ARB2A: variants seen among roughly 807,000 people sequenced by gnomAD.
ARB2A encodes the protein cotranscriptional regulator ARB2A.
chr5:93,940,587 T>C, the ARB2A span, among the ~76,000 whole-genome samples: 4 of 152,124 alleles, frequency 2.6e-5, no homozygotes, highest in Middle Eastern at 3.6e-3. Flanking sequence ...AACAGTTGAA[T>C]AAAATCAAAC....
At chr5:93,936,165 G>A in the ARB2A span, among the ~76,000 whole-genome samples, 1 of 151,986 alleles carries the variant, frequency 6.6e-6, no homozygotes, top group Non-Finnish European at 1.5e-5. Context: ...ACAATAAGAA[G>A]GCAAGATGAA....
the ARB2A span, among the ~76,000 whole-genome samples, chr5:93,992,429 A>T: frequency 2.0e-5 from 3 of 152,070 alleles, no homozygotes; most frequent in African/African-American, 7.2e-5. Context: ...CCCCCTAGCA[A>T]CCATCAGTAA....
the ARB2A span, among the ~76,000 whole-genome samples, chr5:94,009,406 T>C: frequency 1.3e-5 from 2 of 152,006 alleles, no homozygotes; most frequent in Non-Finnish European, 2.9e-5. Flanking sequence ...TTCCCCAGTA[T>C]AAGAAGTCTG....
the ARB2A span, among the ~76,000 whole-genome samples, chr5:93,918,430 C>CTTTTTTTTTTTTTTTTTTTTTTTTTTT: frequency 9.3e-6 from 1 of 107,354 alleles, no homozygotes; most frequent in African/African-American, 3.4e-5. Flanking sequence ...TTCCAAATTT[C>CTTTTTTTTTTTTTTTTTTTTTTTTTTT]TTTTTTTTTT....
chr5:93,636,632 T>C, the ARB2A span, among the ~76,000 whole-genome samples: 1 of 152,230 alleles, frequency 6.6e-6, no homozygotes, highest in Non-Finnish European at 1.5e-5. Flanking sequence ...CTGTTGTTTA[T>C]AACCCACCTA....
the ARB2A span, among the ~76,000 whole-genome samples, chr5:94,079,533 A>G: frequency 1.3e-5 from 2 of 152,166 alleles, no homozygotes; most frequent in Non-Finnish European, 2.9e-5. Flanking sequence ...AGTTTCTTCT[A>G]TTCTACCATG....
the ARB2A span, chr5:93,741,354 G>C: frequency 1.2e-6 from 2 of 1,611,184 alleles, no homozygotes; most frequent in Non-Finnish European, 8.5e-7. Context: ...CCCGGAATTC[G>C]TGTGGCAGGG....
At chr5:93,931,117 AG>A in the ARB2A span, among the ~76,000 whole-genome samples, 3 of 152,156 alleles carry the variant, frequency 2.0e-5, no homozygotes, top group African/African-American at 7.2e-5. Context: ...TAGTTTGCTG[AG>A]GATGATGGCT....
chr5:93,655,791 G>A, the ARB2A span, among the ~76,000 whole-genome samples: 4 of 152,168 alleles, frequency 2.6e-5, no homozygotes, highest in African/African-American at 9.7e-5. Context: ...TGAAAAAAAT[G>A]GAAGGGCCAC....
the ARB2A span, among the ~76,000 whole-genome samples, chr5:94,024,611 C>T: frequency 6.6e-6 from 1 of 151,910 alleles, no homozygotes; most frequent in Admixed American, 6.6e-5. Context: ...ATATATTAAA[C>T]ACTAAGGGAA....
the ARB2A span, among the ~76,000 whole-genome samples, chr5:93,662,657 G>T: frequency 6.6e-6 from 1 of 152,130 alleles, no homozygotes; most frequent in Non-Finnish European, 1.5e-5. Context: ...TTTCATGTGT[G>T]CCAGGAGCAC....
At chr5:93,673,258 G>A in the ARB2A span, among the ~76,000 whole-genome samples, 35 of 152,098 alleles carry the variant, frequency 2.3e-4, no homozygotes, top group Non-Finnish European at 4.6e-4. Context: ...TTTGTTTTGG[G>A]ACACAGAATA....
the ARB2A span, among the ~76,000 whole-genome samples, chr5:93,712,167 CA>C: frequency 6.6e-6 from 1 of 152,008 alleles, no homozygotes; most frequent in Admixed American, 6.6e-5. Flanking sequence ...GGTGATTGAA[CA>C]AAAACTCTGA....
chr5:93,977,744 A>G, the ARB2A span, among the ~76,000 whole-genome samples: 8 of 152,330 alleles, frequency 5.3e-5, no homozygotes, highest in African/African-American at 1.9e-4. Context: ...AGCAAATGCA[A>G]CAAAAACAAA....
the ARB2A span, among the ~76,000 whole-genome samples, chr5:93,973,400 C>G: frequency 3.9e-5 from 6 of 151,982 alleles, no homozygotes; most frequent in Admixed American, 6.6e-5. Flanking sequence ...TGAATAAAGC[C>G]TTCAAGAAAT....
chr5:93,810,623 G>C, the ARB2A span, among the ~76,000 whole-genome samples: 2 of 151,944 alleles, frequency 1.3e-5, no homozygotes, highest in Non-Finnish European at 2.9e-5. Context: ...GGGCTGGCTG[G>C]TCTTGAACTC....
the ARB2A span, among the ~76,000 whole-genome samples, chr5:93,850,719 CTGT>C: frequency 6.6e-6 from 1 of 152,018 alleles, no homozygotes; most frequent in African/African-American, 2.4e-5. Context: ...TATCTAATGG[CTGT>C]TATTTGCAAG....
At chr5:93,800,936 TAA>T in the ARB2A span, among the ~76,000 whole-genome samples, 1 of 152,122 alleles carries the variant, frequency 6.6e-6, no homozygotes, top group African/African-American at 2.4e-5. Context: ...TAAAAGACTT[TAA>T]GTTACTTTTG....
At chr5:93,662,682 C>T in the ARB2A span, among the ~76,000 whole-genome samples, 1 of 152,168 alleles carries the variant, frequency 6.6e-6, no homozygotes, top group Admixed American at 6.5e-5. Flanking sequence ...AGGACAACCC[C>T]CATTACAATT....
Sources: gnomAD v4.1 joint callset for allele counts (sites outside exome capture counted in the v4.1 genomes callset) on GRCh38, gnomAD v4.1.1 for gene constraint, MANE v1.5 for transcripts, NCBI Gene and HGNC (gene_info 2026-07-23, HGNC 2026-07-21) for gene names.